TAFA1: variants seen among roughly 807,000 people sequenced by gnomAD.
TAFA1 encodes TAFA chemokine like family member 1.
A neutral mutation model predicts 18.5 loss-of-function variants in TAFA1; 4 were observed. The ratio of observed to expected loss-of-function variants is 0.22; its 90% CI spans 0.11 to 0.49. The LOEUF is 0.49. Among genes scored for constraint, TAFA1 ranks in the 20% least tolerant of loss-of-function variants. The pLI is 0.98. For missense variants in TAFA1, 147 were observed against 169.0 expected, an observed-to-expected ratio of 0.87 and a Z score of 0.72; for synonymous variants, 56 against 55.2, an observed-to-expected ratio of 1.01 and a Z score of -0.06.
chr3:68,053,971 C>T (rs996126126), intron 2 of TAFA1, among the ~76,000 whole-genome samples: 1 of 152,120 alleles, frequency 6.6e-6, no homozygotes, highest in African/African-American at 2.4e-5. Flanking sequence ...TCTCAAAGCA[C>T]TGGGATTACA....
intron 2 of TAFA1, among the ~76,000 whole-genome samples, chr3:68,208,736 G>C (rs1308323712): frequency 6.6e-6 from 1 of 151,964 alleles, no homozygotes; most frequent in Non-Finnish European, 1.5e-5. Context: ...CAGGTTGTTT[G>C]CATATGCCTG....
At chr3:68,491,843 C>A (rs1393348927) in intron 3 of TAFA1, among the ~76,000 whole-genome samples, 2 of 152,090 alleles carry the variant, frequency 1.3e-5, no homozygotes, top group African/African-American at 4.8e-5. Flanking sequence ...TTTCTCAGCC[C>A]CTACTCTAGA....
Position 68,444,771 on chromosome 3 carries a change from A to AATATATAT in TAFA1, c.259+27385_259+27392dup, listed in dbSNP as rs55684696. Among the ~76,000 whole-genome samples the AATATATAT allele has an allele frequency of 6.9e-3, 877 of 127,006 alleles. 6 individuals are homozygous for AATATATAT. The highest frequency in any genetic ancestry group is 0.011 in the Non-Finnish European group (655 of 60,342). 83.3% of individuals were successfully genotyped at this position (127,006 alleles called of 152,430 possible). On this transcript the variant is annotated intron_variant, in intron 3 of 4. Coordinates refer to ENST00000478136, the MANE Select transcript of TAFA1 (RefSeq NM_213609.4). Reference sequence around the variant, plus strand: ...ACACAGCGAGACCTTGTTTCTACAAAATATATATATATATATATATATATA... The same window carrying AATATATAT: ...ACACAGCGAGACCTTGTTTCTACAAAATATATATATATATATATATATATATATATATA...
intron 2 of TAFA1, among the ~76,000 whole-genome samples, chr3:68,356,430 A>G (rs2069365977): frequency 6.6e-6 from 1 of 151,906 alleles, no homozygotes; most frequent in South Asian, 2.1e-4. Context: ...TATGAAAGGA[A>G]AGGAAACATG....
chr3:68,450,424 A>G (rs1256159572), intron 3 of TAFA1, among the ~76,000 whole-genome samples: 4 of 152,214 alleles, frequency 2.6e-5, no homozygotes, highest in Non-Finnish European at 5.9e-5. Context: ...ACAAGTTTGA[A>G]TTTAACTAGT....
intron 2 of TAFA1, among the ~76,000 whole-genome samples, chr3:68,206,581 C>T (rs1257741849): frequency 6.6e-6 from 1 of 151,888 alleles, no homozygotes; most frequent in African/African-American, 2.4e-5. Context: ...ATAATGATGT[C>T]ATGGCTTCAG....
chr3:68,480,158 C>A lies in TAFA1; in HGVS notation c.260-58598C>A, dbSNP rs2072203259. ...CTGTAATCCTAGCACTTTGGGAGGCCAGGGCAGGTGGATCACAAGGTCAGG... is the reference window on the plus strand; with the variant it reads ...CTGTAATCCTAGCACTTTGGGAGGCAAGGGCAGGTGGATCACAAGGTCAGG... On this transcript the variant is annotated intron_variant, in intron 3 of 4. Coordinates refer to ENST00000478136, the MANE Select transcript of TAFA1 (RefSeq NM_213609.4). Among the ~76,000 whole-genome samples the A allele has an allele frequency of 2.7e-5, 4 of 150,064 alleles. No individual in the cohort carries two copies. In the Admixed American group the frequency reaches 2.7e-4, roughly 10 times the overall value.
intron 2 of TAFA1, among the ~76,000 whole-genome samples, chr3:68,027,607 A>G (rs973079394): frequency 6.6e-6 from 1 of 152,092 alleles, no homozygotes; most frequent in South Asian, 2.1e-4. Flanking sequence ...CCCCAGGTCT[A>G]TTTCACACAT....
At chr3:68,400,485 C>T (rs553624106) in intron 2 of TAFA1, among the ~76,000 whole-genome samples, 46 of 152,284 alleles carry the variant, frequency 3.0e-4, no homozygotes, top group Non-Finnish European at 4.3e-4. Flanking sequence ...GCTTATGCTG[C>T]TTATTCCAGC....
intron 2 of TAFA1, among the ~76,000 whole-genome samples, chr3:68,358,007 A>C (rs1354754725): frequency 6.6e-6 from 1 of 151,942 alleles, no homozygotes; most frequent in African/African-American, 2.4e-5. Context: ...TATTCTTACA[A>C]AAGTATTATG....
intron 2 of TAFA1, among the ~76,000 whole-genome samples, chr3:68,138,609 C>G (rs368218811): frequency 3.3e-5 from 5 of 152,244 alleles, no homozygotes; most frequent in African/African-American, 1.2e-4. Context: ...GGATTAGAAT[C>G]CTAACTCCAC....
At chr3:68,418,317 T>C (rs976150888) in intron 3 of TAFA1, among the ~76,000 whole-genome samples, 2 of 151,780 alleles carry the variant, frequency 1.3e-5, no homozygotes, top group African/African-American at 2.4e-5. Flanking sequence ...AAAGGGGAGT[T>C]GTTCTCTGGT....
intron 2 of TAFA1, among the ~76,000 whole-genome samples, chr3:68,265,044 A>T (rs548645727): frequency 8.3e-4 from 127 of 152,348 alleles, no homozygotes; most frequent in Non-Finnish European, 1.6e-3. Flanking sequence ...TATGAAATTT[A>T]AAAACTCATA....
intron 2 of TAFA1, among the ~76,000 whole-genome samples, chr3:68,140,756 A>G (rs2065659341): frequency 6.6e-6 from 1 of 152,182 alleles, no homozygotes; most frequent in South Asian, 2.1e-4. Flanking sequence ...GTCAGTATTA[A>G]ACTTATCTCT....
At chr3:68,242,590 T>C (rs970754798) in intron 2 of TAFA1, among the ~76,000 whole-genome samples, 2 of 152,192 alleles carry the variant, frequency 1.3e-5, no homozygotes, top group African/African-American at 4.8e-5. Flanking sequence ...CCTAGTTTAA[T>C]TGCCACATTA....
intron 2 of TAFA1, among the ~76,000 whole-genome samples, chr3:68,179,856 A>G (rs2066173455): frequency 6.6e-6 from 1 of 152,042 alleles, no homozygotes; most frequent in Non-Finnish European, 1.5e-5. Flanking sequence ...CAGTCTTCCC[A>G]TCTGTCCTTC....
intron 3 of TAFA1, among the ~76,000 whole-genome samples, chr3:68,520,331 C>G (rs893327044): frequency 6.6e-6 from 1 of 152,084 alleles, no homozygotes; most frequent in African/African-American, 2.4e-5. Flanking sequence ...TTTAAAAGAA[C>G]AATAAATAAA....
At chr3:68,223,426 A>G (rs1188683298) in intron 2 of TAFA1, among the ~76,000 whole-genome samples, 1 of 152,248 alleles carries the variant, frequency 6.6e-6, no homozygotes, top group Non-Finnish European at 1.5e-5. Flanking sequence ...ACTAAGTCAT[A>G]GAAATAAAAC....
intron 2 of TAFA1, among the ~76,000 whole-genome samples, chr3:68,068,103 G>T (rs1047300978): frequency 6.6e-6 from 1 of 152,144 alleles, no homozygotes; most frequent in South Asian, 2.1e-4. Flanking sequence ...AGATCACCTG[G>T]CTTTGGGCAT....
Sources: gnomAD v4.1 joint callset for allele counts (sites outside exome capture counted in the v4.1 genomes callset) on GRCh38, gnomAD v4.1.1 for gene constraint, MANE v1.5 for transcripts, NCBI Gene and HGNC (gene_info 2026-07-23, HGNC 2026-07-21) for gene names.